The following LPP variants were observed in gnomAD, a reference collection of about 807,000 sequenced individuals.
LPP encodes the protein LIM domain containing preferred translocation partner in lipoma.
A neutral mutation model predicts 60.4 loss-of-function variants in LPP; 38 were observed. The observed-to-expected ratio is 0.63, with a 90% confidence interval of 0.49 to 0.83. The LOEUF (loss-of-function observed/expected upper bound fraction) is 0.83. Among genes scored for constraint, LPP ranks in the 40% least tolerant of loss-of-function variants. The probability of loss-of-function intolerance (pLI) is 0.00; values close to 1 mark genes in which losing one functional copy is unlikely to be tolerated. For synonymous variants in LPP, 328 were observed against 290.8 expected (o/e 1.13, Z -1.30); for missense variants, 902 against 783.6 (o/e 1.15, Z -1.80).
At chr3:188,523,707 T>C (rs1357256) in intron 5 of LPP, among the ~76,000 whole-genome samples, 2,901 of 152,332 alleles carry the variant, frequency 0.019, 89 homozygotes, top group African/African-American at 0.065. Context: ...ACAAGTCCAG[T>C]AGAATTGATT....
At chr3:188,581,703 C>G (rs544893963) in intron 6 of LPP, among the ~76,000 whole-genome samples, 1 of 152,236 alleles carries the variant, frequency 6.6e-6, no homozygotes, top group Non-Finnish European at 1.5e-5. Context: ...TACCCTGGAT[C>G]TTATCATTGC....
intron 7 of LPP, among the ~76,000 whole-genome samples, chr3:188,656,199 G>A (rs1853161824): frequency 7.4e-6 from 1 of 134,918 alleles, no homozygotes; most frequent in African/African-American, 2.8e-5. Flanking sequence ...TCTCCAAAAG[G>A]AAAAAAAAAA....
intron 9 of LPP, among the ~76,000 whole-genome samples, chr3:188,788,260 G>A (rs892314528): frequency 1.3e-5 from 2 of 152,294 alleles, no homozygotes; most frequent in African/African-American, 4.8e-5. Flanking sequence ...ATAGCCACAT[G>A]CACACACATG....
At position 188,184,252 on chromosome 3, in the gene LPP, C is replaced by T. The variant is rs192199850; in HGVS notation, c.-190+30000C>T. Among the ~76,000 whole-genome samples the T allele has an allele frequency of 1.8e-3, 280 of 152,250 alleles. 1 individual carries two copies. Among genetic ancestry groups the T allele is most frequent in the African/African-American group, 6.4e-3 (267 of 41,534 alleles). On this transcript the variant is annotated intron_variant, in intron 1 of 11. Transcript: ENST00000617246. ...ATTTTGCACGGACTACTTCCAGCAC[C>T]GAGAGTCCTGCTGCTGGGGTTTCTT... is the stretch of plus-strand genomic sequence containing the variant.
intron 2 of LPP, among the ~76,000 whole-genome samples, chr3:188,282,069 C>G (rs1356840125): frequency 2.0e-5 from 3 of 151,692 alleles, no homozygotes; most frequent in Non-Finnish European, 4.4e-5. Flanking sequence ...TCTCTTTTCC[C>G]TTCCCTTATA....
At chr3:188,375,232 AGG>A (rs536660173) in intron 3 of LPP, among the ~76,000 whole-genome samples, 2,816 of 152,300 alleles carry the variant, frequency 0.018, 45 homozygotes, top group Non-Finnish European at 0.032. Flanking sequence ...AAAATGAGTT[AGG>A]GAGGATTCCC....
At chr3:188,411,698 A>G (rs1333417602) in intron 4 of LPP, among the ~76,000 whole-genome samples, 1 of 152,158 alleles carries the variant, frequency 6.6e-6, no homozygotes, top group Admixed American at 6.6e-5. Context: ...ATAAAAAGAT[A>G]CAACAAACAA....
At chr3:188,772,734 G>C (rs750535485) in intron 9 of LPP, among the ~76,000 whole-genome samples, 8 of 151,912 alleles carry the variant, frequency 5.3e-5, no homozygotes, top group South Asian at 2.1e-4. Flanking sequence ...ACTGCAGGGA[G>C]GTCACCTTTA....
intron 3 of LPP, among the ~76,000 whole-genome samples, chr3:188,395,461 C>T (rs1780709615): frequency 6.6e-6 from 1 of 151,906 alleles, no homozygotes; most frequent in Non-Finnish European, 1.5e-5. Context: ...ATCTCGAACT[C>T]CAGGCCTCAA....
intron 4 of LPP, among the ~76,000 whole-genome samples, chr3:188,469,432 A>C (rs1310499828): frequency 6.6e-6 from 1 of 152,066 alleles, no homozygotes; most frequent in Admixed American, 6.6e-5. Flanking sequence ...GGTATGTTAC[A>C]ATAGCTTGTT....
At chr3:188,401,790 G>A (rs976799865) in intron 3 of LPP, among the ~76,000 whole-genome samples, 1 of 152,196 alleles carries the variant, frequency 6.6e-6, no homozygotes. Flanking sequence ...AGAGCACCAT[G>A]TGACGAATAT....
chr3:188,860,201 A>G (rs1329097420), intron 9 of LPP, among the ~76,000 whole-genome samples: 1 of 152,132 alleles, frequency 6.6e-6, no homozygotes, highest in Non-Finnish European at 1.5e-5. Flanking sequence ...AAGTACTGCC[A>G]TCATTTGGGA....
chr3:188,278,980 A>G (rs1472481256), intron 2 of LPP, among the ~76,000 whole-genome samples: 2 of 152,148 alleles, frequency 1.3e-5, no homozygotes, highest in African/African-American at 2.4e-5. Flanking sequence ...CTTGTTTTTA[A>G]TAGCCCCTGG....
At chr3:188,599,419 C>A (rs2151192511) in intron 6 of LPP, among the ~76,000 whole-genome samples, 1 of 152,104 alleles carries the variant, frequency 6.6e-6, no homozygotes. Context: ...TCTGGGTGCT[C>A]CTAATTGACT....
At chr3:188,723,365 A>G (rs1441818205) in intron 8 of LPP, among the ~76,000 whole-genome samples, 2 of 152,164 alleles carry the variant, frequency 1.3e-5, no homozygotes, top group Non-Finnish European at 2.9e-5. Context: ...AGTCTGCTAA[A>G]ATTGTCTCGT....
intron 8 of LPP, among the ~76,000 whole-genome samples, chr3:188,731,393 T>C (rs1231242057): frequency 2.6e-5 from 4 of 152,244 alleles, no homozygotes; most frequent in African/African-American, 9.6e-5. Flanking sequence ...TGGGGCATGT[T>C]TGCTGATTCC....
At chr3:188,258,029 G>T (rs986676731) in intron 2 of LPP, among the ~76,000 whole-genome samples, 1 of 152,166 alleles carries the variant, frequency 6.6e-6, no homozygotes, top group African/African-American at 2.4e-5. Flanking sequence ...TACTAACAAG[G>T]TGTCCTTGAT....
At chr3:188,254,002 T>C (rs999111702) in intron 2 of LPP, among the ~76,000 whole-genome samples, 1 of 152,204 alleles carries the variant, frequency 6.6e-6, no homozygotes, top group Non-Finnish European at 1.5e-5. Flanking sequence ...GTTTTGCAAG[T>C]AAAGTGCTAC....
At chr3:188,651,660 C>T (rs1852113439) in intron 7 of LPP, among the ~76,000 whole-genome samples, 4 of 152,104 alleles carry the variant, frequency 2.6e-5, no homozygotes, top group Admixed American at 2.6e-4. Flanking sequence ...TGGCAACAGA[C>T]AAGAGAAGAG....
Sources: gnomAD v4.1 joint callset for allele counts (sites outside exome capture counted in the v4.1 genomes callset) on GRCh38, gnomAD v4.1.1 for gene constraint, MANE v1.5 for transcripts, NCBI Gene and HGNC (gene_info 2026-07-23, HGNC 2026-07-21) for gene names.